SSBP2: variants seen among roughly 807,000 people sequenced by gnomAD.
SSBP2 encodes single-stranded DNA-binding protein 2.
In SSBP2, 17 loss-of-function variants were observed where a neutral mutation model predicts 61.8. The ratio of observed to expected loss-of-function variants is 0.28; its 90% CI spans 0.19 to 0.41. The LOEUF (loss-of-function observed/expected upper bound fraction) is 0.41. SSBP2 is among the 10% of genes least tolerant of loss of function. The pLI is 1.00. For synonymous variants in SSBP2, 139 were observed against 141.3 expected (o/e 0.98, Z 0.12); for missense variants, 310 against 458.7 (o/e 0.68, Z 2.96).
intron 7 of SSBP2, among the ~76,000 whole-genome samples, chr5:81,474,111 G>A (rs964436032): frequency 6.6e-6 from 1 of 152,120 alleles, no homozygotes; most frequent in African/African-American, 2.4e-5. Flanking sequence ...AACTAATCAG[G>A]CCCCTTGCTG....
chr5:81,655,807 A>G (rs1048713528), intron 1 of SSBP2, among the ~76,000 whole-genome samples: 2 of 152,228 alleles, frequency 1.3e-5, no homozygotes, highest in African/African-American at 4.8e-5. Flanking sequence ...TGGAAACATC[A>G]ACCAACATTG....
intron 4 of SSBP2, among the ~76,000 whole-genome samples, chr5:81,583,445 C>T (rs528236848): frequency 9.0e-4 from 137 of 151,870 alleles, no homozygotes; most frequent in East Asian, 1.8e-3. Context: ...CTGGCTAACA[C>T]GGTGAAACCC....
chr5:81,434,548 G>A (rs564739531), intron 15 of SSBP2, among the ~76,000 whole-genome samples: 54 of 140,868 alleles, frequency 3.8e-4, no homozygotes, highest in Admixed American at 6.8e-4. Context: ...AGAATCGTTT[G>A]AACCCAGGAG....
At chr5:81,463,107 CATA>C (rs1313319945) in intron 9 of SSBP2, among the ~76,000 whole-genome samples, 25 of 151,980 alleles carry the variant, frequency 1.6e-4, no homozygotes, top group East Asian at 1.4e-3. Context: ...CTAAGTGTTT[CATA>C]ATAAATTTCA....
At chr5:81,636,740 T>C (rs891840549) in intron 2 of SSBP2, 122 bp from the exon 3 acceptor site, 7 of 839,996 alleles carry the variant, frequency 8.3e-6, no homozygotes, top group Non-Finnish European at 9.0e-6. Context: ...ATTTTCATGA[T>C]ATTTTTTACC....
At chr5:81,672,784 G>A (rs1056621899) in intron 1 of SSBP2, among the ~76,000 whole-genome samples, 2 of 151,852 alleles carry the variant, frequency 1.3e-5, no homozygotes, top group African/African-American at 2.4e-5. Flanking sequence ...ATATTGACCA[G>A]GCTGATCTCA....
chr5:81,466,817 CCA>C (rs1216676543), intron 9 of SSBP2, among the ~76,000 whole-genome samples, 155 bp downstream of exon 9: 1 of 151,890 alleles, frequency 6.6e-6, no homozygotes, highest in Admixed American at 6.6e-5. Context: ...CATTTTTATA[CCA>C]CACAGAGACT....
At chr5:81,423,785 T>C (rs1761768341) in intron 16 of SSBP2, among the ~76,000 whole-genome samples, 1 of 152,134 alleles carries the variant, frequency 6.6e-6, no homozygotes, top group South Asian at 2.1e-4. Context: ...TATGTCAGGT[T>C]ATGTTAGGAA....
chr5:81,680,311 T>C (rs1167709244), intron 1 of SSBP2, among the ~76,000 whole-genome samples: 1 of 148,190 alleles, frequency 6.7e-6, no homozygotes, highest in Non-Finnish European at 1.5e-5. Context: ...ATATATAATA[T>C]ATAATTATGT....
chr5:81,448,405 G>A lies in SSBP2; in HGVS notation c.723+385C>T, dbSNP rs941529088. On this transcript the variant is annotated intron_variant, in intron 11 of 16. Coordinates refer to ENST00000320672, the MANE Select transcript of SSBP2 (RefSeq NM_012446.5). ...CCATCTAATTCATTTGTGATTGGGA[G>A]AAAGTTTAATGTCTTCTTAGACGCT... Among the ~76,000 whole-genome samples, 7 of 152,274 alleles carry A rather than the reference G, an allele frequency of 4.6e-5. No homozygotes were observed. The East Asian group carries it at 1.3e-3, about 29-fold the overall frequency.
At chr5:81,645,864 GA>G (rs1429718202) in intron 2 of SSBP2, among the ~76,000 whole-genome samples, 1 of 152,096 alleles carries the variant, frequency 6.6e-6, no homozygotes, top group Non-Finnish European at 1.5e-5. Context: ...AATCTATCAT[GA>G]ATCAGAGGTA....
intron 1 of SSBP2, among the ~76,000 whole-genome samples, chr5:81,729,236 G>A (rs1252995971): frequency 6.6e-6 from 1 of 152,004 alleles, no homozygotes; most frequent in African/African-American, 2.4e-5. Flanking sequence ...ATGAATCACT[G>A]AATTAGGTTA....
In SSBP2 at chr5:81,520,694, A is replaced by AT. The variant is rs1179150853; in HGVS notation, c.283-6978dup. On this transcript the variant is annotated intron_variant, in intron 4 of 16. Coordinates refer to ENST00000320672, the MANE Select transcript of SSBP2 (RefSeq NM_012446.5). ...ATAATTTCCCATGGATACTTAGTAA[A>AT]TATCCTTATTCTCTGTCTACATTTT... 3.3e-5 allele frequency among the ~76,000 whole-genome samples: 5 copies of AT among 152,158 alleles called. No homozygotes were observed. In the East Asian group the frequency reaches 9.7e-4, roughly 30 times the overall value.
At chr5:81,552,808 T>G (rs6867426) in intron 4 of SSBP2, among the ~76,000 whole-genome samples, 71,073 of 151,928 alleles carry the variant, frequency 0.47, 21,183 homozygotes, top group African/African-American at 0.86. Context: ...AGTGATAGAC[T>G]TTTAGTAATT....
At chr5:81,476,023 AT>A (rs1398443794) in intron 6 of SSBP2, among the ~76,000 whole-genome samples, 7 of 152,058 alleles carry the variant, frequency 4.6e-5, no homozygotes, top group Non-Finnish European at 8.8e-5. Flanking sequence ...CTTGACTCGG[AT>A]TGCCAACTGT....
At chr5:81,434,546 T>C (rs1762546912) in intron 15 of SSBP2, among the ~76,000 whole-genome samples, 2 of 146,042 alleles carry the variant, frequency 1.4e-5, no homozygotes. Flanking sequence ...GGAGAATCGT[T>C]TGAACCCAGG....
chr5:81,610,031 C>T (rs1166745323), intron 4 of SSBP2, among the ~76,000 whole-genome samples: 1 of 152,122 alleles, frequency 6.6e-6, no homozygotes, highest in Admixed American at 6.5e-5. Context: ...TTAGTGTATC[C>T]TCATTCTTCT....
chr5:81,450,627 T>G (rs886180681), intron 10 of SSBP2, among the ~76,000 whole-genome samples: 6 of 152,208 alleles, frequency 3.9e-5, no homozygotes, highest in Non-Finnish European at 8.8e-5. Context: ...ACATCTTTCT[T>G]ATTCCTCATG....
intron 13 of SSBP2, among the ~76,000 whole-genome samples, chr5:81,441,832 T>C (rs751566248): frequency 4.6e-5 from 7 of 152,186 alleles, no homozygotes; most frequent in Non-Finnish European, 8.8e-5. Flanking sequence ...AAAGAAATAA[T>C]TGACTTTAAA....
Sources: allele counts gnomAD v4.1 joint callset (sites outside exome capture counted in the v4.1 genomes callset), GRCh38; gene constraint gnomAD v4.1.1; transcripts MANE v1.5; gene names NCBI Gene and HGNC (gene_info 2026-07-23, HGNC 2026-07-21).